The following IQCJ variants were observed in gnomAD, a reference collection of about 807,000 sequenced individuals.
The protein encoded by IQCJ is IQ domain-containing protein J.
IQCJ carries 9 observed loss-of-function variants against 11.0 expected under a neutral mutation model. That is an observed-to-expected ratio of 0.82 (90% CI 0.49 to 1.43). IQCJ has a LOEUF of 1.43. Ranked by LOEUF, IQCJ falls within the 40% of genes most tolerant of loss-of-function variation. IQCJ has a pLI of 0.00. For missense variants in IQCJ, 146 were observed against 133.2 expected, an observed-to-expected ratio of 1.10 and a Z score of -0.47; for synonymous variants, 55 against 51.3, an observed-to-expected ratio of 1.07 and a Z score of -0.31.
At chr3:159,131,768 G>T (rs1438232845) in intron 1 of IQCJ, among the ~76,000 whole-genome samples, 1 of 152,096 alleles carries the variant, frequency 6.6e-6, no homozygotes, top group East Asian at 1.9e-4. Context: ...ACTGGTACAG[G>T]TGGGAAGGGA....
chr3:159,124,117 C>T (rs925321196), intron 1 of IQCJ, among the ~76,000 whole-genome samples: 5 of 152,106 alleles, frequency 3.3e-5, no homozygotes, highest in Non-Finnish European at 5.9e-5. Flanking sequence ...CAGAGTCATC[C>T]TTCCTAGTTC....
intron 1 of IQCJ, among the ~76,000 whole-genome samples, chr3:159,076,099 T>C (rs941938779): frequency 2.6e-5 from 4 of 152,118 alleles, no homozygotes; most frequent in African/African-American, 9.7e-5. Context: ...ATTTTTTTGA[T>C]GGACTGATAA....
intron 1 of IQCJ, among the ~76,000 whole-genome samples, chr3:159,237,757 C>T (rs1726675464): frequency 6.6e-6 from 1 of 152,152 alleles, no homozygotes; most frequent in Non-Finnish European, 1.5e-5. Flanking sequence ...GTGAGTCTAA[C>T]CGAACCAGGT....
At chr3:159,162,000 A>C (rs1456408330) in intron 1 of IQCJ, among the ~76,000 whole-genome samples, 1 of 152,156 alleles carries the variant, frequency 6.6e-6, no homozygotes, top group Non-Finnish European at 1.5e-5. Flanking sequence ...CTTAGGATTG[A>C]CTTGGCGACA....
intron 1 of IQCJ, among the ~76,000 whole-genome samples, chr3:159,198,500 T>C (rs1038565558): frequency 3.3e-5 from 5 of 152,196 alleles, no homozygotes; most frequent in African/African-American, 1.2e-4. Flanking sequence ...GCCATTGAGA[T>C]ACCAGTAGTT....
chr3:159,194,971 T>C (rs764480136), intron 1 of IQCJ, among the ~76,000 whole-genome samples: 1 of 152,022 alleles, frequency 6.6e-6, no homozygotes, highest in Non-Finnish European at 1.5e-5. Context: ...ATTAGCCTGG[T>C]GTGGTGGCAT....
intron 1 of IQCJ, among the ~76,000 whole-genome samples, chr3:159,204,285 A>G (rs1724522619): frequency 6.6e-6 from 1 of 152,214 alleles, no homozygotes; most frequent in Admixed American, 6.5e-5. Flanking sequence ...CGATGGCTCA[A>G]ATAACTGTAG....
chr3:159,129,834 A>T (rs1310394618), intron 1 of IQCJ, among the ~76,000 whole-genome samples: 3 of 152,194 alleles, frequency 2.0e-5, no homozygotes, highest in Non-Finnish European at 4.4e-5. Flanking sequence ...ATCTTGGATA[A>T]GTACAGTTCA....
chr3:159,130,857 T>C (rs544722919), intron 1 of IQCJ, among the ~76,000 whole-genome samples: 95 of 152,308 alleles, frequency 6.2e-4, no homozygotes, highest in Middle Eastern at 3.4e-3. Context: ...ATATAGTTTT[T>C]TTGTTTGTTT....
At chr3:159,150,974 G>A (rs1053597336) in intron 1 of IQCJ, among the ~76,000 whole-genome samples, 11 of 152,310 alleles carry the variant, frequency 7.2e-5, no homozygotes, top group African/African-American at 2.6e-4. Context: ...GTGCTGCTCT[G>A]TCAGGCCTTT....
chr3:159,082,661 G>T (rs1716398753), intron 1 of IQCJ, among the ~76,000 whole-genome samples: 1 of 152,076 alleles, frequency 6.6e-6, no homozygotes, highest in Non-Finnish European at 1.5e-5. Context: ...GGAAGCTGTG[G>T]TTGGGTTGTC....
chr3:159,179,446 T>C (rs1272242541), intron 1 of IQCJ, among the ~76,000 whole-genome samples: 5 of 152,128 alleles, frequency 3.3e-5, no homozygotes, highest in Non-Finnish European at 7.3e-5. Flanking sequence ...TGGTAAAGGG[T>C]TGAAGGACTG....
At chr3:159,143,950 T>A (rs1720770987) in intron 1 of IQCJ, among the ~76,000 whole-genome samples, 1 of 152,204 alleles carries the variant, frequency 6.6e-6, no homozygotes, top group Non-Finnish European at 1.5e-5. Flanking sequence ...TGTATCCTCC[T>A]GAGGGGTTCA....
In IQCJ at chr3:159,235,498, G is replaced by T. The variant is rs369637683; in HGVS notation, c.10-10345G>T. On this transcript the variant is annotated intron_variant, in intron 1 of 3. Coordinates refer to ENST00000397832, the MANE Select transcript of IQCJ (RefSeq NM_001042706.3). ...AAGGGTATTTTTCAAAATAGCACTG[G>T]GCTGGCTTATCCTGTCTAACAATCC... 2.0e-4 allele frequency among the ~76,000 whole-genome samples: 30 copies of T among 152,272 alleles called. No homozygotes were observed. The East Asian group carries it at 2.3e-3, about 12-fold the overall frequency.
chr3:159,179,242 T>A (rs1722957084), intron 1 of IQCJ, among the ~76,000 whole-genome samples: 1 of 152,194 alleles, frequency 6.6e-6, no homozygotes, highest in South Asian at 2.1e-4. Flanking sequence ...CTCCCTGGTC[T>A]TCTGTGTTTA....
At chr3:159,172,805 G>T (rs1377475386) in intron 1 of IQCJ, among the ~76,000 whole-genome samples, 13 of 151,848 alleles carry the variant, frequency 8.6e-5, no homozygotes, top group Non-Finnish European at 4.4e-5. Flanking sequence ...TTGATTTTTT[G>T]GTTTTATGAT....
At chr3:159,078,390 C>T (rs866623623) in intron 1 of IQCJ, among the ~76,000 whole-genome samples, 2 of 152,168 alleles carry the variant, frequency 1.3e-5, no homozygotes, top group Non-Finnish European at 2.9e-5. Context: ...CCTATACACA[C>T]ATTGTCTTAT....
intron 3 of IQCJ, among the ~76,000 whole-genome samples, chr3:159,257,316 G>A (rs1205162185): frequency 6.6e-6 from 1 of 152,142 alleles, no homozygotes; most frequent in Admixed American, 6.5e-5. Context: ...CTTAGACTCA[G>A]TAACCCTGGG....
chr3:159,082,493 A>G (rs1716385611), intron 1 of IQCJ, among the ~76,000 whole-genome samples: 1 of 151,992 alleles, frequency 6.6e-6, no homozygotes. Flanking sequence ...AAGATATGTG[A>G]AAAAGGTGAC....
Sources: allele counts gnomAD v4.1 joint callset (sites outside exome capture counted in the v4.1 genomes callset), GRCh38; gene constraint gnomAD v4.1.1; transcripts MANE v1.5; gene names NCBI Gene and HGNC (gene_info 2026-07-23, HGNC 2026-07-21).